Variants in SHCBP1L observed in about 807,000 individuals in gnomAD.
SHCBP1L encodes the protein SHC binding and spindle associated 1 like, also known as testicular spindle-associated protein SHCBP1L.
In SHCBP1L, 67 loss-of-function variants were observed where a neutral mutation model predicts 62.5. The observed-to-expected ratio is 1.07, with a 90% CI of 0.88 to 1.31. The LOEUF (loss-of-function observed/expected upper bound fraction) is 1.31. Ranked by LOEUF, SHCBP1L falls within the 40% of genes most tolerant of loss-of-function variation. SHCBP1L has a pLI of 0.00. For missense variants in SHCBP1L, 823 were observed against 809.8 expected, an observed-to-expected ratio of 1.02 and a Z score of -0.20; for synonymous variants, 284 against 289.4, an observed-to-expected ratio of 0.98 and a Z score of 0.19.
At chr1:182,924,724 G>GAAAGAAAGAAA in intron 6 of SHCBP1L, among the ~76,000 whole-genome samples, 1 of 61,232 alleles carries the variant, frequency 1.6e-5, no homozygotes, top group Non-Finnish European at 2.6e-5. Context: ...AAGAAAGAAA[G>GAAAGAAAGAAA]AAAGAAAGAA....
At chr1:182,946,302 C>T (rs1651563900) in intron 2 of SHCBP1L, among the ~76,000 whole-genome samples, 1 of 152,070 alleles carries the variant, frequency 6.6e-6, no homozygotes, top group South Asian at 2.1e-4. Flanking sequence ...TGCCACCAAC[C>T]TCTTCCCCCA....
At chr1:182,922,637 G>A (rs913047384) in intron 6 of SHCBP1L, among the ~76,000 whole-genome samples, 6 of 151,328 alleles carry the variant, frequency 4.0e-5, no homozygotes, top group Admixed American at 1.3e-4. Flanking sequence ...ATCTGCTCCT[G>A]AATGACTTTT....
intron 6 of SHCBP1L, among the ~76,000 whole-genome samples, chr1:182,918,101 T>C (rs1326623685): frequency 6.7e-6 from 1 of 149,300 alleles, no homozygotes; most frequent in East Asian, 2.0e-4. Context: ...CATATATATG[T>C]ATATATACAC....
chr1:182,946,468 T>A (rs1485725518), intron 2 of SHCBP1L, among the ~76,000 whole-genome samples: 1 of 152,034 alleles, frequency 6.6e-6, no homozygotes, highest in Non-Finnish European at 1.5e-5. Flanking sequence ...TGGAGTGATA[T>A]GCCTTAGCTG....
chr1:182,941,116 A>C (rs1021499575), intron 2 of SHCBP1L, among the ~76,000 whole-genome samples: 2 of 152,004 alleles, frequency 1.3e-5, no homozygotes, highest in Non-Finnish European at 2.9e-5. Flanking sequence ...GCACACAGTA[A>C]GCACTGAATA....
intron 2 of SHCBP1L, among the ~76,000 whole-genome samples, chr1:182,940,969 A>G (rs1273644831): frequency 6.6e-6 from 1 of 152,092 alleles, no homozygotes; most frequent in Non-Finnish European, 1.5e-5. Flanking sequence ...CTCTTACCTC[A>G]GCCTCCTCAG....
intron 6 of SHCBP1L, among the ~76,000 whole-genome samples, chr1:182,924,935 G>GAAGAAAGAAAGAAGGA: frequency 1.6e-5 from 1 of 62,346 alleles, no homozygotes; most frequent in East Asian, 5.1e-4. Context: ...AGGAAGGAAG[G>GAAGAAAGAAAGAAGGA]AAGAAAGAAA....
chr1:182,933,057 C>T (rs1651060952), intron 5 of SHCBP1L, among the ~76,000 whole-genome samples: 1 of 152,100 alleles, frequency 6.6e-6, no homozygotes, highest in Non-Finnish European at 1.5e-5. Context: ...AGGCACACAC[C>T]ACCACACCTG....
chr1:182,952,480 C>G, intron 1 of SHCBP1L: 1 of 440,034 alleles, frequency 2.3e-6, no homozygotes, highest in Non-Finnish European at 4.0e-6. Context: ...TCAGAAAATT[C>G]TCTCTCAGGG....
intron 6 of SHCBP1L, among the ~76,000 whole-genome samples, chr1:182,915,361 A>T (rs1484469487): frequency 1.3e-5 from 2 of 152,152 alleles, no homozygotes; most frequent in African/African-American, 2.4e-5. Flanking sequence ...GGTATTATAT[A>T]TTAACAAAAG....
chr1:182,918,205 T>TATATACACATATATATACATAC (rs1463596416), intron 6 of SHCBP1L, among the ~76,000 whole-genome samples: 12 of 147,744 alleles, frequency 8.1e-5, no homozygotes, highest in Admixed American at 2.7e-4. Flanking sequence ...TATATACATA[T>TATATACACATATATATACATAC]ATATACACAT....
At chr1:182,904,574 TGTGC>T (rs748380701) in intron 7 of SHCBP1L, 144 bp from the exon 8 acceptor site, 28 of 740,396 alleles carry the variant, frequency 3.8e-5, no homozygotes, top group Non-Finnish European at 4.6e-5. Context: ...TGTGTGTGTG[TGTGC>T]GCATGCGCAT....
At chr1:182,936,961 A>G (rs1038283693) in intron 5 of SHCBP1L, among the ~76,000 whole-genome samples, 3 of 152,046 alleles carry the variant, frequency 2.0e-5, no homozygotes, top group Non-Finnish European at 4.4e-5. Flanking sequence ...GACTGAAGTG[A>G]GAGGATCACT....
chr1:182,933,411 C>T (rs1004792719), intron 5 of SHCBP1L, among the ~76,000 whole-genome samples: 2 of 152,102 alleles, frequency 1.3e-5, no homozygotes, highest in African/African-American at 4.8e-5. Flanking sequence ...TATCATGCTC[C>T]TGATTGTAGG....
chr1:182,927,527 C>T lies in SHCBP1L; in HGVS notation c.1182+2120G>A, dbSNP rs376287795. ...CTCTACTAAAAATACAAAAAATTAGCCGGGCGTAGTGGCGGGCGCCTGTAG... is the reference window on the plus strand; with the variant it reads ...CTCTACTAAAAATACAAAAAATTAGTCGGGCGTAGTGGCGGGCGCCTGTAG... On this transcript the variant is annotated intron_variant, in intron 6 of 9. Transcript: ENST00000367547. 3.6e-4 allele frequency among the ~76,000 whole-genome samples: 55 copies of T among 152,164 alleles called. No homozygotes were observed. In the East Asian group the frequency reaches 8.1e-3, roughly 23 times the overall value.
intron 8 of SHCBP1L, among the ~76,000 whole-genome samples, chr1:182,903,898 T>C (rs918922003): frequency 6.6e-6 from 1 of 152,220 alleles, no homozygotes; most frequent in East Asian, 1.9e-4. Context: ...AACTATCAAA[T>C]GACTGACTCA....
chr1:182,908,631 A>G (rs1212748889), intron 6 of SHCBP1L, among the ~76,000 whole-genome samples: 1 of 152,234 alleles, frequency 6.6e-6, no homozygotes, highest in Non-Finnish European at 1.5e-5. Context: ...AACTCATGTT[A>G]TGAATTTCTC....
chr1:182,928,730 C>G (rs1332757466), intron 6 of SHCBP1L, among the ~76,000 whole-genome samples: 1 of 151,984 alleles, frequency 6.6e-6, no homozygotes, highest in Non-Finnish European at 1.5e-5. Flanking sequence ...AGAATGAAAG[C>G]AAGTCAATGG....
intron 2 of SHCBP1L, among the ~76,000 whole-genome samples, chr1:182,944,153 T>TAAATAAATAAAA (rs1211471779): frequency 4.7e-5 from 7 of 147,744 alleles, no homozygotes; most frequent in East Asian, 2.0e-4. Context: ...AATAAATAAA[T>TAAATAAATAAAA]AAAAGAGGCC....
Sources: gnomAD v4.1 joint callset for allele counts (sites outside exome capture counted in the v4.1 genomes callset) on GRCh38, gnomAD v4.1.1 for gene constraint, MANE v1.5 for transcripts, NCBI Gene and HGNC (gene_info 2026-07-23, HGNC 2026-07-21) for gene names.